Variants in RAB18 observed in about 807,000 individuals in gnomAD.
RAB18 encodes the protein ras-related protein Rab-18.
RAB18 carries 10 observed loss-of-function variants against 28.5 expected under a neutral mutation model. The observed-to-expected ratio is 0.35, with a 90% confidence interval of 0.22 to 0.60. The LOEUF is 0.60. RAB18 is among the 20% of genes least tolerant of loss of function. RAB18 has a pLI of 0.78. For missense variants in RAB18, 188 were observed against 244.2 expected (o/e 0.77, Z 1.53); for synonymous variants, 93 against 86.9 (o/e 1.07, Z -0.39).
intron 1 of RAB18, chr10:27,504,679 T>C (rs1337332993): frequency 1.4e-6 from 1 of 724,538 alleles, no homozygotes; most frequent in Non-Finnish European, 2.6e-6. Flanking sequence ...CTCCCTCCTG[T>C]AGCGCCGAGA....
chr10:27,530,751 C>T (rs1426162418), intron 3 of RAB18, among the ~76,000 whole-genome samples: 1 of 151,788 alleles, frequency 6.6e-6, no homozygotes, highest in African/African-American at 2.4e-5. Flanking sequence ...ACATAGTAAT[C>T]ATTTTACTAT....
intron 2 of RAB18, among the ~76,000 whole-genome samples, chr10:27,525,790 A>T (rs1834659643): frequency 6.6e-6 from 1 of 152,224 alleles, no homozygotes; most frequent in African/African-American, 2.4e-5. Context: ...TGTATATGTA[A>T]TGGATCACCA....
At chr10:27,509,106 T>C (rs1355462880) in intron 1 of RAB18, among the ~76,000 whole-genome samples, 1 of 152,212 alleles carries the variant, frequency 6.6e-6, no homozygotes, top group Non-Finnish European at 1.5e-5. Context: ...GCTTTTATCC[T>C]TTCTTTCTAG....
chr10:27,540,983 C>T lies in RAB18; in HGVS notation c.*2932C>T. ...CTAATAACCATAGTGTCTTTAAGTA[C>T]AACTTAATACATATTTTTTCTGTGT... On this transcript the variant is annotated 3_prime_UTR_variant, in exon 7 of 7. Transcript: ENST00000356940. 1 of 453,528 alleles carries T rather than the reference C, an allele frequency of 2.2e-6. No homozygotes were observed. The highest frequency in any genetic ancestry group is 4.4e-6 in the Non-Finnish European group (1 of 226,646). 28.1% of individuals were successfully genotyped at this position (453,528 alleles called of 1,614,324 possible).
At chr10:27,514,063 C>G (rs1242707794) in intron 2 of RAB18, 2 of 152,196 alleles carry the variant, frequency 1.3e-5, no homozygotes, top group Non-Finnish European at 2.9e-5. Context: ...AGGTAAATCT[C>G]TGAATCACGA....
In RAB18 at chr10:27,542,189, TC is replaced by T. The variant is rs1333961372; in HGVS notation, c.*4139del. ...AATTGGACCTGAATTGAGATCTATT[TC>T]TCAGCTTTCACTTATGTGAGCCAAT... On this transcript the variant is annotated 3_prime_UTR_variant, in exon 7 of 7. Transcript: ENST00000356940. The T allele has an allele frequency of 2.2e-6, 1 of 454,134 alleles. No individual in the cohort carries two copies. Among genetic ancestry groups the T allele is most frequent in the Admixed American group, 2.3e-5 (1 of 42,586 alleles). The allele number at this position is 454,134 out of a possible 1,614,324, so 28.1% of individuals were successfully genotyped here. A position where few individuals can be genotyped will look rare whatever the true frequency, so the allele number is the denominator to read the frequency against.
intron 2 of RAB18, among the ~76,000 whole-genome samples, chr10:27,513,129 G>T (rs1203463301): frequency 2.0e-5 from 3 of 151,224 alleles, no homozygotes; most frequent in African/African-American, 7.3e-5. Flanking sequence ...CCGCCTCCCA[G>T]GTTCAAGTGA....
In RAB18 at chr10:27,504,445, G is replaced by A. The variant is rs1310740613; in HGVS notation, c.68+8G>A. 1 of 1,561,290 alleles carries A rather than the reference G, an allele frequency of 6.4e-7. No individual in the cohort carries two copies. The highest frequency in any genetic ancestry group is 2.0e-5 in the Admixed American group (1 of 51,260). On this transcript the variant is annotated splice_region_variant and intron_variant, in intron 1 of 6. Transcript: ENST00000356940. Reference sequence around the variant, plus strand: ...TGGGGTGGGCAAGTCCAGGTGAGGCGGAGGTGCGGGTCGTGACGAGGGTGG... The same window carrying A: ...TGGGGTGGGCAAGTCCAGGTGAGGCAGAGGTGCGGGTCGTGACGAGGGTGG...
At chr10:27,504,917 T>C in intron 1 of RAB18, 1 of 523,854 alleles carries the variant, frequency 1.9e-6, no homozygotes, top group Admixed American at 2.0e-5. Flanking sequence ...CGTGACGCCT[T>C]AGGTCCCATT....
At chr10:27,505,487 C>A (rs1837801126) in intron 1 of RAB18, among the ~76,000 whole-genome samples, 1 of 152,210 alleles carries the variant, frequency 6.6e-6, no homozygotes, top group Admixed American at 6.5e-5. Context: ...AAAGTCACTT[C>A]ATAAAGTCTT....
At chr10:27,510,273 T>C (rs548911461) in intron 2 of RAB18, 10 of 336,906 alleles carry the variant, frequency 3.0e-5, no homozygotes, top group South Asian at 2.7e-4. Flanking sequence ...GGACTGCTAC[T>C]AAGAGGAGGG....
At chr10:27,514,705 C>A (rs1285021679) in intron 2 of RAB18, among the ~76,000 whole-genome samples, 1 of 151,102 alleles carries the variant, frequency 6.6e-6, no homozygotes, top group Non-Finnish European at 1.5e-5. Flanking sequence ...AAATGTAGTA[C>A]AAGATAACAT....
At chr10:27,519,085 A>G (rs1479010970) in intron 2 of RAB18, among the ~76,000 whole-genome samples, 1 of 152,096 alleles carries the variant, frequency 6.6e-6, no homozygotes, top group Non-Finnish European at 1.5e-5. Context: ...ATGAAGAACA[A>G]CACATAATAA....
chr10:27,511,268 A>T (rs2248059), intron 2 of RAB18, among the ~76,000 whole-genome samples: 148,004 of 152,314 alleles, frequency 0.97, 72,030 homozygotes, highest in East Asian at 1. Flanking sequence ...AGTGGCACCA[A>T]CTCAGCTCAG....
In RAB18 at chr10:27,540,310, G is replaced by A. The variant is rs1258956303; in HGVS notation, c.*2259G>A. ...AGGACAACACAATGTAGGTATGTTA[G>A]GTAACCCCCAAAGATCACATAGCTA... On this transcript the variant is annotated 3_prime_UTR_variant, in exon 7 of 7. Coordinates refer to ENST00000356940, the MANE Select transcript of RAB18 (RefSeq NM_021252.5). 2 of 453,968 alleles carry A rather than the reference G, an allele frequency of 4.4e-6. No individual in the cohort carries two copies. The highest frequency in any genetic ancestry group is 8.8e-6 in the Non-Finnish European group (2 of 226,736). 28.1% of individuals were successfully genotyped at this position (453,968 alleles called of 1,614,324 possible). A position where few individuals can be genotyped will look rare whatever the true frequency, so the allele number is the denominator to read the frequency against.
chr10:27,533,084 G>A (rs1223015429), intron 4 of RAB18, among the ~76,000 whole-genome samples: 3 of 152,030 alleles, frequency 2.0e-5, no homozygotes, highest in African/African-American at 7.2e-5. Context: ...CTGGGAAACT[G>A]TTTAAAATGA....
chr10:27,533,883 T>A (rs1235582625), intron 5 of RAB18, 30 bp downstream of exon 5: 1 of 1,610,458 alleles, frequency 6.2e-7, no homozygotes, highest in Admixed American at 1.7e-5. Flanking sequence ...GCATTTTGGT[T>A]CTATATTTTG....
rs1162225250 is a variant in RAB18 at position 27,504,356 on chromosome 10, G to A, written c.-14G>A. The stretch of plus-strand genomic sequence containing the variant: ...CCGGGCGGCCAGCTGGGCTCGGAGC[G>A]GAACGGGGTCAGGATGGACGAGGAC... On this transcript the variant is annotated 5_prime_UTR_variant, in exon 1 of 7. Transcript: ENST00000356940. 1.3e-5 allele frequency: 21 copies of A among 1,571,150 alleles called. No homozygotes were observed. In the East Asian group the frequency reaches 4.8e-4, roughly 36 times the overall value.
At chr10:27,510,373 T>C in intron 2 of RAB18, 1 of 218,594 alleles carries the variant, frequency 4.6e-6, no homozygotes. Context: ...GCTACAGTGT[T>C]TGACGTGTAT....
Sources: gnomAD v4.1 joint callset for allele counts (sites outside exome capture counted in the v4.1 genomes callset) on GRCh38, gnomAD v4.1.1 for gene constraint, MANE v1.5 for transcripts, NCBI Gene and HGNC (gene_info 2026-07-23, HGNC 2026-07-21) for gene names.